The following RPS6KC1 variants were observed in gnomAD, a reference collection of about 807,000 sequenced individuals.
RPS6KC1 encodes ribosomal protein S6 kinase C1, also known as inactive ribosomal protein S6 kinase delta-1.
RPS6KC1 carries 54 observed loss-of-function variants against 103.8 expected under a neutral mutation model. The observed-to-expected ratio is 0.52, with a 90% CI of 0.42 to 0.65. The LOEUF (loss-of-function observed/expected upper bound fraction) is 0.65, where lower values mean the gene tolerates loss of function less well. Among genes scored for constraint, RPS6KC1 ranks in the 30% least tolerant of loss-of-function variants. The pLI is 0.00. For synonymous variants in RPS6KC1, 439 were observed against 438.7 expected, an observed-to-expected ratio of 1.00 and a Z score of -0.01; for missense variants, 1,151 against 1,253.8, an observed-to-expected ratio of 0.92 and a Z score of 1.24.
chr1:213,749,312 C>T, the RPS6KC1 span, among the ~76,000 whole-genome samples: 915 of 152,248 alleles, frequency 6.0e-3, 8 homozygotes, highest in African/African-American at 0.021. Context: ...TCGAAGAAGC[C>T]TAAGGTCAAC....
the RPS6KC1 span, among the ~76,000 whole-genome samples, chr1:213,616,716 T>G: frequency 6.6e-6 from 1 of 152,090 alleles, no homozygotes; most frequent in Non-Finnish European, 1.5e-5. Flanking sequence ...ACAACAGGTA[T>G]ACATACTATA....
chr1:213,372,687 G>GT, the RPS6KC1 span, among the ~76,000 whole-genome samples: 2 of 152,148 alleles, frequency 1.3e-5, no homozygotes, highest in African/African-American at 4.8e-5. Flanking sequence ...GACAAGTTCC[G>GT]TGCAACATGT....
intron 6 of RPS6KC1, among the ~76,000 whole-genome samples, chr1:213,151,784 C>A (rs1417258945): frequency 4.4e-5 from 5 of 114,468 alleles, no homozygotes; most frequent in Admixed American, 8.1e-5. Flanking sequence ...GGGGGGCTGA[C>A]CCCCCCCACC....
At chr1:213,186,877 A>G (rs2092553869) in intron 8 of RPS6KC1, among the ~76,000 whole-genome samples, 1 of 152,114 alleles carries the variant, frequency 6.6e-6, no homozygotes, top group Admixed American at 6.6e-5. Flanking sequence ...TCTTCAGTTC[A>G]GCAAATGTGT....
chr1:213,216,722 C>G (rs1292004756), intron 8 of RPS6KC1, among the ~76,000 whole-genome samples: 4 of 151,348 alleles, frequency 2.6e-5, no homozygotes, highest in African/African-American at 4.9e-5. Context: ...GAAACTCACT[C>G]AAAACCACTC....
the RPS6KC1 span, among the ~76,000 whole-genome samples, chr1:213,307,890 G>A: frequency 4.3e-3 from 660 of 152,236 alleles, 2 homozygotes; most frequent in Admixed American, 7.7e-3. Context: ...CCAGTCTCCC[G>A]CATTCCAGAA....
intron 6 of RPS6KC1, among the ~76,000 whole-genome samples, chr1:213,140,977 A>C (rs1325833803): frequency 6.6e-6 from 1 of 150,520 alleles, no homozygotes; most frequent in Non-Finnish European, 1.5e-5. Flanking sequence ...GCTCACTGCA[A>C]CCTCCCCCTC....
the RPS6KC1 span, among the ~76,000 whole-genome samples, chr1:213,833,346 A>G: frequency 6.6e-6 from 1 of 152,224 alleles, no homozygotes; most frequent in East Asian, 1.9e-4. Flanking sequence ...TACGGTCTTC[A>G]AAGAGCCCAG....
rs1196787408 is a variant in RPS6KC1 at position 213,242,234 on chromosome 1, T to G, written c.2758T>G (p.Leu920Val). 1 of 1,613,960 alleles carries G rather than the reference T, an allele frequency of 6.2e-7. No homozygotes were observed. The highest frequency in any genetic ancestry group is 2.2e-5 in the East Asian group (1 of 44,876). Residue 920 changes from leucine to valine, a missense_variant, in exon 11 of 15, where the codon TTA (leucine) becomes GTA (valine). Around this residue, in one of 3 missense-constraint regions of RPS6KC1, gnomAD observed 189 missense variants for 228.8 expected, o/e 0.83. Coordinates refer to ENST00000366960, the MANE Select transcript of RPS6KC1 (RefSeq NM_012424.6). ...TGAAATGGTGGTAGCCCTTGATGCT[T>G]TACATAGAGAGGGAATTGTGTGCCG... The part of the protein sequence containing the change: ...AAEMVVALDA[L>V]HREGIVCRDL...
chr1:213,648,132 A>G, the RPS6KC1 span, among the ~76,000 whole-genome samples: 6 of 152,154 alleles, frequency 3.9e-5, no homozygotes, highest in Non-Finnish European at 7.4e-5. Context: ...AGCACCATGT[A>G]TTTTGAAACC....
the RPS6KC1 span, among the ~76,000 whole-genome samples, chr1:213,683,508 C>A: frequency 1.3e-5 from 2 of 152,164 alleles, no homozygotes; most frequent in Admixed American, 6.5e-5. Flanking sequence ...TTCCTCCCCC[C>A]AGCCTGCCCA....
chr1:213,397,079 T>A, the RPS6KC1 span, among the ~76,000 whole-genome samples: 1 of 152,300 alleles, frequency 6.6e-6, no homozygotes, highest in African/African-American at 2.4e-5. Flanking sequence ...AAAGATCTAC[T>A]AAAAGTGCCC....
the RPS6KC1 span, among the ~76,000 whole-genome samples, chr1:213,689,684 G>A: frequency 2.6e-5 from 4 of 152,318 alleles, no homozygotes; most frequent in Non-Finnish European, 4.4e-5. Flanking sequence ...TAAATCAGAG[G>A]CACTCAGATT....
At chr1:213,368,383 C>T in the RPS6KC1 span, among the ~76,000 whole-genome samples, 7 of 152,094 alleles carry the variant, frequency 4.6e-5, no homozygotes, top group East Asian at 1.9e-4. Flanking sequence ...TTCTTTTACA[C>T]GAGAGGGTAG....
At chr1:213,363,844 G>A in the RPS6KC1 span, among the ~76,000 whole-genome samples, 8 of 125,658 alleles carry the variant, frequency 6.4e-5, 1 homozygote, top group South Asian at 2.5e-4. Flanking sequence ...TTCTGGTGGC[G>A]TGAGGAGATT....
the RPS6KC1 span, among the ~76,000 whole-genome samples, chr1:213,685,870 T>G: frequency 6.6e-6 from 1 of 152,326 alleles, no homozygotes; most frequent in African/African-American, 2.4e-5. Context: ...TTGCCATACA[T>G]TGCTTAAATC....
chr1:213,751,975 T>A, the RPS6KC1 span, among the ~76,000 whole-genome samples: 10 of 152,320 alleles, frequency 6.6e-5, no homozygotes, highest in South Asian at 2.1e-3. Flanking sequence ...TAGGGAACAT[T>A]ATTTAACTTC....
chr1:213,735,843 G>C, the RPS6KC1 span, among the ~76,000 whole-genome samples: 5 of 152,160 alleles, frequency 3.3e-5, no homozygotes. Flanking sequence ...GGTGATTCTA[G>C]TCAGAAGTGA....
the RPS6KC1 span, among the ~76,000 whole-genome samples, chr1:213,443,570 T>C: frequency 6.6e-6 from 1 of 152,114 alleles, no homozygotes; most frequent in Non-Finnish European, 1.5e-5. Flanking sequence ...ATTCCTTTCC[T>C]GTGACTGGGA....
Sources: gnomAD v4.1 joint callset for allele counts (sites outside exome capture counted in the v4.1 genomes callset) on GRCh38, gnomAD v4.1.1 for gene constraint, gnomAD v4.1.1 regional missense constraint, MANE v1.5 for transcripts, NCBI Gene and HGNC (gene_info 2026-07-23, HGNC 2026-07-21) for gene names.